The following RAPGEF4 variants were observed in gnomAD, a reference collection of about 807,000 sequenced individuals.
The protein encoded by RAPGEF4 is RAP guanine-nucleotide-exchange factor (GEF) 4.
RAPGEF4 carries 66 observed loss-of-function variants against 147.9 expected under a neutral mutation model. The observed-to-expected ratio is 0.45, with a 90% CI of 0.37 to 0.55. The LOEUF (loss-of-function observed/expected upper bound fraction) is 0.55, where lower values mean the gene tolerates loss of function less well. Ranked by LOEUF, RAPGEF4 falls within the 20% of genes least tolerant of loss-of-function variation. The probability of loss-of-function intolerance (pLI) is 0.00; values close to 1 mark genes in which losing one functional copy is unlikely to be tolerated. For synonymous variants in RAPGEF4, 419 were observed against 442.7 expected (o/e 0.95, Z 0.67); for missense variants, 1,071 against 1,257.3 (o/e 0.85, Z 2.24).
At chr2:172,762,137 C>A (rs951929957) in intron 1 of RAPGEF4, among the ~76,000 whole-genome samples, 1 of 152,038 alleles carries the variant, frequency 6.6e-6, no homozygotes, top group South Asian at 2.1e-4. Flanking sequence ...AAACAAAAAA[C>A]AAACATGCTG....
chr2:172,958,870 A>G (rs12619862), intron 6 of RAPGEF4, among the ~76,000 whole-genome samples: 6,304 of 152,316 alleles, frequency 0.041, 165 homozygotes, highest in Admixed American at 0.069. Flanking sequence ...TAATTCTATT[A>G]TAAATCAAAA....
intron 4 of RAPGEF4, among the ~76,000 whole-genome samples, chr2:172,849,205 T>G (rs1692551344): frequency 6.6e-6 from 1 of 152,192 alleles, no homozygotes; most frequent in East Asian, 1.9e-4. Context: ...ATTGGTTTAC[T>G]GCCAAAACCT....
chr2:172,860,502 T>TA (rs1047842615), intron 4 of RAPGEF4, among the ~76,000 whole-genome samples: 2 of 150,974 alleles, frequency 1.3e-5, no homozygotes, highest in African/African-American at 2.4e-5. Flanking sequence ...GAGAGAAATG[T>TA]AAAAAAAAGT....
chr2:172,889,319 C>T (rs766961646), intron 4 of RAPGEF4, among the ~76,000 whole-genome samples: 5 of 151,996 alleles, frequency 3.3e-5, no homozygotes. Context: ...ACCACTTTTA[C>T]TGGATTTTCA....
At chr2:172,751,799 G>A (rs1451448) in intron 1 of RAPGEF4, among the ~76,000 whole-genome samples, 149,025 of 152,286 alleles carry the variant, frequency 0.98, 73,001 homozygotes, top group East Asian at 1. Flanking sequence ...GAATCAATGC[G>A]GCACTGCCCT....
At chr2:172,747,507 C>T (rs992073969) in intron 1 of RAPGEF4, among the ~76,000 whole-genome samples, 1 of 152,168 alleles carries the variant, frequency 6.6e-6, no homozygotes, top group Admixed American at 6.5e-5. Context: ...CACTCTGTCA[C>T]CCAGGCTAGA....
intron 4 of RAPGEF4, among the ~76,000 whole-genome samples, chr2:172,853,884 C>T (rs569965530): frequency 1.5e-3 from 153 of 98,812 alleles, no homozygotes; most frequent in Non-Finnish European, 2.6e-3. Context: ...AATTGTGGTC[C>T]GAAAACATAT....
At chr2:173,001,389 A>C (rs767159952) in intron 17 of RAPGEF4, 45 bp downstream of exon 17, 17 of 1,609,816 alleles carry the variant, frequency 1.1e-5, no homozygotes, top group Non-Finnish European at 1.4e-5. Flanking sequence ...CTCGAAGACA[A>C]CCCCCCCTAT....
intron 4 of RAPGEF4, among the ~76,000 whole-genome samples, chr2:172,846,629 C>T (rs1692225106): frequency 6.6e-6 from 1 of 152,188 alleles, no homozygotes. Flanking sequence ...ATTTACTCAA[C>T]AGATGTTTGT....
chr2:172,765,174 T>C (rs1356242034), intron 1 of RAPGEF4, among the ~76,000 whole-genome samples: 1 of 152,210 alleles, frequency 6.6e-6, no homozygotes, highest in Non-Finnish European at 1.5e-5. Flanking sequence ...CTTGCCTCCG[T>C]GTCTGTTTCT....
At chr2:172,779,183 T>C (rs1439371467) in intron 1 of RAPGEF4, among the ~76,000 whole-genome samples, 1 of 152,224 alleles carries the variant, frequency 6.6e-6, no homozygotes, top group African/African-American at 2.4e-5. Context: ...CCTGCTTTTA[T>C]GGAGCTTACG....
chr2:172,761,976 G>C (rs1255026745), intron 1 of RAPGEF4, among the ~76,000 whole-genome samples: 5 of 152,256 alleles, frequency 3.3e-5, no homozygotes, highest in Non-Finnish European at 7.4e-5. Flanking sequence ...ACAAAAATTA[G>C]CCAAGGGTGG....
At chr2:172,805,809 G>GTGTAACTT (rs1687437600) in intron 3 of RAPGEF4, among the ~76,000 whole-genome samples, 1 of 152,142 alleles carries the variant, frequency 6.6e-6, no homozygotes, top group Non-Finnish European at 1.5e-5. Flanking sequence ...CTTGGTGCCT[G>GTGTAACTT]TGTAACTTAA....
rs767961499 is a variant in RAPGEF4 at position 173,026,587 on chromosome 2, C to T, written c.2269C>T (p.Gln757Ter). 6.2e-7 allele frequency: 1 copy of T among 1,613,604 alleles called. No individual in the cohort carries two copies. ...TTATTCATAGACTCCCTTACCAGAA[C>T]AGGAAGGCCCAACTGTTGGAACAGT... ...QFDSLTPLPE[Q>*]EGPTVGTVGT... is the part of the protein sequence containing the mutation. The change falls in exon 24 of 31, where the codon CAG becomes TAG. Residue 757 changes from glutamine (Q) to a stop codon, truncating the protein, a stop_gained. Coordinates refer to ENST00000397081, the MANE Select transcript of RAPGEF4 (RefSeq NM_007023.4). LOFTEE classifies it high-confidence loss of function.
At chr2:172,838,918 G>A (rs1005078210) in intron 4 of RAPGEF4, among the ~76,000 whole-genome samples, 1 of 151,970 alleles carries the variant, frequency 6.6e-6, no homozygotes, top group Non-Finnish European at 1.5e-5. Flanking sequence ...TTCTTAAGAA[G>A]CACAAATTAA....
chr2:172,861,997 A>C (rs1694102608), intron 4 of RAPGEF4, among the ~76,000 whole-genome samples: 1 of 152,220 alleles, frequency 6.6e-6, no homozygotes, highest in East Asian at 1.9e-4. Flanking sequence ...TCTTTGTCGA[A>C]GTGTGTTGTC....
At chr2:172,928,258 T>C (rs996018267) in intron 6 of RAPGEF4, 1 of 452,832 alleles carries the variant, frequency 2.2e-6, no homozygotes, top group African/African-American at 2.0e-5. Context: ...AGACTGTCGT[T>C]GCTGAATTTC....
intron 29 of RAPGEF4, among the ~76,000 whole-genome samples, chr2:173,043,639 CTA>C (rs1365599450): frequency 6.6e-6 from 1 of 152,198 alleles, no homozygotes; most frequent in Non-Finnish European, 1.5e-5. Context: ...TCCTGGTAGG[CTA>C]TGTCATGTCT....
intron 6 of RAPGEF4, among the ~76,000 whole-genome samples, chr2:172,950,503 C>T (rs987634012): frequency 1.3e-5 from 2 of 151,916 alleles, no homozygotes; most frequent in African/African-American, 4.8e-5. Context: ...TCCTGATTCT[C>T]TTAGGAGGGT....
Sources: gnomAD v4.1 joint callset for allele counts (sites outside exome capture counted in the v4.1 genomes callset) on GRCh38, gnomAD v4.1.1 for gene constraint, MANE v1.5 for transcripts, NCBI Gene and HGNC (gene_info 2026-07-23, HGNC 2026-07-21) for gene names.